Variants in NOL4 observed in about 807,000 individuals in gnomAD.
NOL4 encodes nucleolar protein 4.
In NOL4, 17 loss-of-function variants were observed where a neutral mutation model predicts 75.9. The ratio of observed to expected loss-of-function variants is 0.22; its 90% CI spans 0.15 to 0.34. The LOEUF is 0.34. Among genes scored for constraint, NOL4 ranks in the 10% least tolerant of loss-of-function variants. The pLI is 1.00. For synonymous variants in NOL4, 292 were observed against 289.9 expected (o/e 1.01, Z -0.07); for missense variants, 614 against 793.5 (o/e 0.77, Z 2.72).
chr18:33,990,028 G>T (rs1281462910), intron 6 of NOL4, among the ~76,000 whole-genome samples: 1 of 152,028 alleles, frequency 6.6e-6, no homozygotes, highest in African/African-American at 2.4e-5. Flanking sequence ...TAAAACACAA[G>T]ATCCTGTTCT....
chr18:34,063,696 A>T (rs1018617789), intron 5 of NOL4, among the ~76,000 whole-genome samples: 1 of 152,034 alleles, frequency 6.6e-6, no homozygotes, highest in Non-Finnish European at 1.5e-5. Context: ...AAATAAAATA[A>T]TGTCTGTACA....
At chr18:34,178,892 G>A (rs2033789108) in intron 1 of NOL4, among the ~76,000 whole-genome samples, 1 of 151,572 alleles carries the variant, frequency 6.6e-6, no homozygotes, top group African/African-American at 2.4e-5. Context: ...AAAATACATA[G>A]TTTTCTCTAT....
chr18:34,154,965 C>A (rs1173147594), intron 1 of NOL4, among the ~76,000 whole-genome samples: 2 of 151,862 alleles, frequency 1.3e-5, no homozygotes. Flanking sequence ...CTCTCTTAGT[C>A]ACTTGCCCAA....
intron 1 of NOL4, among the ~76,000 whole-genome samples, chr18:34,171,465 T>C (rs1474948173): frequency 6.6e-6 from 1 of 152,164 alleles, no homozygotes. Context: ...ATCACCTATG[T>C]CATTCATCTC....
At chr18:34,118,548 T>C (rs775832774) in intron 2 of NOL4, among the ~76,000 whole-genome samples, 5 of 152,206 alleles carry the variant, frequency 3.3e-5, no homozygotes, top group Admixed American at 2.0e-4. Flanking sequence ...GCGGCCTCTA[T>C]CTGAGGAAAA....
chr18:33,968,439 T>G (rs910839882), intron 6 of NOL4, among the ~76,000 whole-genome samples: 8 of 152,180 alleles, frequency 5.3e-5, no homozygotes, highest in Non-Finnish European at 1.0e-4. Flanking sequence ...CATCATGGAC[T>G]ACTACATAAC....
At chr18:34,212,709 T>C (rs2036593301) in intron 1 of NOL4, among the ~76,000 whole-genome samples, 1 of 152,174 alleles carries the variant, frequency 6.6e-6, no homozygotes, top group Non-Finnish European at 1.5e-5. Flanking sequence ...GCAGAATTCA[T>C]TCCCTTGTGG....
intron 1 of NOL4, among the ~76,000 whole-genome samples, chr18:34,214,127 A>G (rs960570022): frequency 3.9e-5 from 6 of 152,196 alleles, no homozygotes; most frequent in Admixed American, 3.3e-4. Context: ...AGCTGAGTGT[A>G]AAGTCTTAAA....
At chr18:34,042,494 G>C (rs2076182674) in intron 5 of NOL4, among the ~76,000 whole-genome samples, 1 of 151,964 alleles carries the variant, frequency 6.6e-6, no homozygotes, top group Non-Finnish European at 1.5e-5. Flanking sequence ...TATTCCAAAA[G>C]TTTAAGTAAA....
intron 1 of NOL4, among the ~76,000 whole-genome samples, chr18:34,208,287 G>C (rs1441601423): frequency 6.6e-6 from 1 of 152,042 alleles, no homozygotes; most frequent in East Asian, 1.9e-4. Flanking sequence ...ATTGTTCATA[G>C]TGAGCTTAAC....
At chr18:34,111,408 G>C in intron 2 of NOL4, among the ~76,000 whole-genome samples, 1 of 151,902 alleles carries the variant, frequency 6.6e-6, no homozygotes, top group East Asian at 1.9e-4. Context: ...AGGCTGTGAG[G>C]CCTTTTGGAG....
intron 5 of NOL4, chr18:34,048,602 C>A (rs1436044437): frequency 8.1e-6 from 8 of 985,234 alleles, no homozygotes; most frequent in Non-Finnish European, 8.4e-6. Flanking sequence ...AAGAGCTAAT[C>A]TTTCCTGTAT....
At chr18:34,064,306 C>A (rs1048182813) in intron 5 of NOL4, among the ~76,000 whole-genome samples, 7 of 151,948 alleles carry the variant, frequency 4.6e-5, no homozygotes, top group Non-Finnish European at 1.0e-4. Context: ...AAAGCTACAA[C>A]AAAGGATTGC....
chr18:34,212,491 AT>A (rs1378801948), intron 1 of NOL4, among the ~76,000 whole-genome samples: 1 of 152,252 alleles, frequency 6.6e-6, no homozygotes, highest in East Asian at 1.9e-4. Flanking sequence ...TATCAGTTCC[AT>A]TTTATGGTGT....
chr18:34,011,911 T>G (rs1181367077), intron 6 of NOL4, among the ~76,000 whole-genome samples: 1 of 151,832 alleles, frequency 6.6e-6, no homozygotes, highest in Non-Finnish European at 1.5e-5. Flanking sequence ...AAAAAGGAAC[T>G]CAAAATGCAC....
At position 34,019,583 on chromosome 18, in the gene NOL4, C is replaced by T; in HGVS notation, c.791G>A (p.Ser264Asn). ...CCCCAGAGTCTCATTGCCATTAAAGCTCTCTGCAGCAGAATCATCTGTTGG... is the reference window on the plus strand; with the variant it reads ...CCCCAGAGTCTCATTGCCATTAAAGTTCTCTGCAGCAGAATCATCTGTTGG... ...GQQDDDSAAESFNGNETLGHS... is the reference protein window; with the variant it reads ...GQQDDDSAAENFNGNETLGHS... Residue 264 changes from serine (S) to asparagine (N), a missense_variant, in exon 6 of 11, where the codon AGC (serine) becomes AAC (asparagine). Coordinates refer to ENST00000261592, the MANE Select transcript of NOL4 (RefSeq NM_003787.5). 1 of 1,612,686 alleles carries T rather than the reference C, an allele frequency of 6.2e-7. No homozygotes were observed.
At chr18:33,958,603 C>A (rs141610489) in intron 6 of NOL4, among the ~76,000 whole-genome samples, 185 bp from the exon 7 acceptor site, 379 of 152,152 alleles carry the variant, frequency 2.5e-3, no homozygotes, top group Non-Finnish European at 4.6e-3. Context: ...TTTCCTTGGT[C>A]ACGTCACACT....
intron 6 of NOL4, among the ~76,000 whole-genome samples, chr18:33,969,217 CAATATGAT>C (rs1368004212): frequency 3.3e-5 from 5 of 152,126 alleles, no homozygotes; most frequent in African/African-American, 1.2e-4. Flanking sequence ...AATCTTCTCG[CAATATGAT>C]AATATAATTC....
At position 34,223,524 on chromosome 18, in the gene NOL4, C is replaced by T. The variant is rs554879562; in HGVS notation, c.-271G>A. On this transcript the variant is annotated 5_prime_UTR_variant, in exon 1 of 11. Transcript: ENST00000261592. ...TTCCTGTTCCCTTAGCGGTCGGTCT[C>T]TTTAATATTTTGTGACCAGGACCAT... is the stretch of plus-strand genomic sequence containing the variant. 283 of 546,800 alleles carry T rather than the reference C, an allele frequency of 5.2e-4. 1 individual carries two copies. The highest frequency in any genetic ancestry group is 6.1e-4 in the Non-Finnish European group (188 of 308,004). 33.9% of individuals were successfully genotyped at this position (546,800 alleles called of 1,614,324 possible).
Sources: allele counts gnomAD v4.1 joint callset (sites outside exome capture counted in the v4.1 genomes callset), GRCh38; gene constraint gnomAD v4.1.1; transcripts MANE v1.5; gene names NCBI Gene and HGNC (gene_info 2026-07-23, HGNC 2026-07-21).